Variants in CEP290 observed in about 807,000 individuals in gnomAD.
The protein encoded by CEP290 is centrosomal protein 290, also known as centrosomal protein of 290 kDa.
A neutral mutation model predicts 344.9 loss-of-function variants in CEP290; 317 were observed. The observed-to-expected ratio is 0.92, with a 90% confidence interval of 0.84 to 1.01. CEP290 has a LOEUF of 1.01. Among genes scored for constraint, CEP290 ranks in the 50% least tolerant of loss-of-function variants. CEP290 has a pLI of 0.00. For missense variants in CEP290, 2,754 were observed against 2,761.4 expected (o/e 1.00, Z 0.06); for synonymous variants, 932 against 895.8 (o/e 1.04, Z -0.72).
chr12:88,124,101 T>C (rs752064662), intron 13 of CEP290, among the ~76,000 whole-genome samples: 8 of 152,116 alleles, frequency 5.3e-5, no homozygotes, highest in Non-Finnish European at 1.0e-4. Flanking sequence ...TTACCACTCC[T>C]ACAGTCTACT....
chr12:88,130,516 C>T (rs1447940061), intron 8 of CEP290, 29 bp downstream of exon 8: 2 of 1,593,752 alleles, frequency 1.3e-6, no homozygotes, highest in Non-Finnish European at 1.7e-6. Context: ...TTTTAAATTC[C>T]CAAGATTTCA....
At position 88,068,521 on chromosome 12, in the gene CEP290, C is replaced by A; in HGVS notation, c.6135+1G>T. On this transcript the variant is annotated splice_donor_variant, in intron 44 of 53. Coordinates refer to ENST00000552810, the MANE Select transcript of CEP290 (RefSeq NM_025114.4). LOFTEE classifies it high-confidence loss of function. ...AAAAATAATAAAAGATATACACTTACTGAAGGCTTAGAATATGTATCCTTT... is the reference window on the plus strand; with the variant it reads ...AAAAATAATAAAAGATATACACTTAATGAAGGCTTAGAATATGTATCCTTT... The A allele has an allele frequency of 2.0e-6, 3 of 1,500,030 alleles. No homozygotes were observed. The highest frequency in any genetic ancestry group is 2.7e-6 in the Non-Finnish European group (3 of 1,121,690). The allele number at this position is 1,500,030 out of a possible 1,614,324, so 92.9% of individuals were successfully genotyped here.
At chr12:88,053,616 T>C (rs2033749278) in intron 52 of CEP290, 36 bp downstream of exon 52, 1 of 1,059,210 alleles carries the variant, frequency 9.4e-7, no homozygotes, top group Non-Finnish European at 1.4e-6. Context: ...ATTCAAAAAC[T>C]TGGGGGTAGC....
chr12:88,051,626 G>A (rs1196473745), intron 52 of CEP290: 1 of 152,126 alleles, frequency 6.6e-6, no homozygotes, highest in Non-Finnish European at 1.5e-5. Context: ...GTCTACTTAG[G>A]AAATAAGGAA....
At position 88,121,135 on chromosome 12, in the gene CEP290, CAT is replaced by C. The variant is rs386834148; in HGVS notation, c.1219_1220del (p.Met407GlufsTer14). The C allele has an allele frequency of 4.2e-5, 67 of 1,613,046 alleles. No individual in the cohort carries two copies. The highest frequency in any genetic ancestry group is 6.7e-5 in the African/African-American group (5 of 74,826). ...GASTLSQQTH[M>X]KIQSTLDILK... Reference sequence around the variant, plus strand: ...AAATGTCTAACGTTGACTGAATTTTCATATGAGTCTGTTGAGAAAGGGTTGAA... The same window carrying C: ...AAATGTCTAACGTTGACTGAATTTTCATGAGTCTGTTGAGAAAGGGTTGAA... On this transcript the variant is annotated frameshift_variant, in exon 14 of 54. Coordinates refer to ENST00000552810, the MANE Select transcript of CEP290 (RefSeq NM_025114.4). LOFTEE classifies it high-confidence loss of function.
rs570710122 is a variant in CEP290, at chr12:88,050,574, T to G, written c.7130-141A>C. 64 of 515,986 alleles carry G rather than the reference T, an allele frequency of 1.2e-4. No homozygotes were observed. The South Asian group carries it at 2.0e-3, about 16-fold the overall frequency. The allele number at this position is 515,986 out of a possible 1,614,324, so 32.0% of individuals were successfully genotyped here. A position where few individuals can be genotyped will look rare whatever the true frequency, so the allele number is the denominator to read the frequency against. On this transcript the variant is annotated intron_variant, in intron 52 of 53. Transcript: ENST00000552810. ...ACACTGGATGTTATGGCTGAAATAC[T>G]TCAGGATGTAAACACTTAATGCTGC...
chr12:88,065,148 G>A (rs1014613572), intron 44 of CEP290, among the ~76,000 whole-genome samples: 2 of 151,640 alleles, frequency 1.3e-5, no homozygotes, highest in African/African-American at 4.8e-5. Context: ...AAGCATCATA[G>A]GAAATAATTT....
chr12:88,105,461 G>C (rs985369457), intron 25 of CEP290, among the ~76,000 whole-genome samples: 2 of 152,136 alleles, frequency 1.3e-5, no homozygotes, highest in Non-Finnish European at 2.9e-5. Flanking sequence ...TTTGTAGTAG[G>C]AGCTAAACTT....
chr12:88,136,518 T>C (rs564243348), intron 6 of CEP290, 125 bp downstream of exon 6: 1 of 928,914 alleles, frequency 1.1e-6, no homozygotes, highest in Non-Finnish European at 1.7e-6. Context: ...TATAAAACCT[T>C]AGAGATAAGT....
chr12:88,079,733 A>C (rs1359720312), intron 38 of CEP290, among the ~76,000 whole-genome samples: 3 of 152,120 alleles, frequency 2.0e-5, no homozygotes, highest in Non-Finnish European at 2.9e-5. Flanking sequence ...ATCAGAATAC[A>C]CTGACCAACT....
chr12:88,139,606 G>A, intron 3 of CEP290, 42 bp from the exon 4 acceptor site: 1 of 1,350,432 alleles, frequency 7.4e-7, no homozygotes, highest in African/African-American at 1.5e-5. Context: ...CCTTTATACT[G>A]GAATGTAAGC....
intron 41 of CEP290, among the ~76,000 whole-genome samples, chr12:88,074,504 T>C (rs2035613813): frequency 6.6e-6 from 1 of 152,156 alleles, no homozygotes. Context: ...ATGGGTATTG[T>C]GGTGTTATTA....
chr12:88,103,014 A>G lies in CEP290; in HGVS notation c.2818-3T>C, dbSNP rs1200591122. The G allele has an allele frequency of 2.0e-6, 3 of 1,530,152 alleles. No individual in the cohort carries two copies. The highest frequency in any genetic ancestry group is 4.8e-5 in the Admixed American group (2 of 42,094). The allele number at this position is 1,530,152 out of a possible 1,614,324, so 94.8% of individuals were successfully genotyped here. A position where few individuals can be genotyped will look rare whatever the true frequency, so the allele number is the denominator to read the frequency against. On this transcript the variant is annotated splice_polypyrimidine_tract_variant and splice_region_variant and intron_variant, in intron 25 of 53. Coordinates refer to ENST00000552810, the MANE Select transcript of CEP290 (RefSeq NM_025114.4). ...GCAATCTTGAAAATGGCCATTTCCT[A>G]TGTAAATAAAGATACACTGAGTTAT...
chr12:88,076,438 A>C (rs1345655939), intron 41 of CEP290, among the ~76,000 whole-genome samples: 1 of 152,090 alleles, frequency 6.6e-6, no homozygotes, highest in African/African-American at 2.4e-5. Context: ...AAATTTTATA[A>C]TAAAAATTTT....
intron 48 of CEP290, 85 bp from the exon 49 acceptor site, chr12:88,059,105 A>T (rs958027781): frequency 2.6e-6 from 3 of 1,163,350 alleles, no homozygotes; most frequent in Non-Finnish European, 3.5e-6. Context: ...ATCATTACAA[A>T]TTGGAAAACA....
chr12:88,136,379 T>C (rs1017477024), intron 6 of CEP290: 1 of 378,618 alleles, frequency 2.6e-6, no homozygotes, highest in Non-Finnish European at 4.7e-6. Context: ...GACAAAAGCA[T>C]TAATTTTAGG....
At chr12:88,096,701 A>C (rs1399069271) in intron 27 of CEP290, among the ~76,000 whole-genome samples, 187 bp downstream of exon 27, 1 of 152,152 alleles carries the variant, frequency 6.6e-6, no homozygotes, top group East Asian at 1.9e-4. Flanking sequence ...TAAGGACTGA[A>C]AACTAAACTT....
At chr12:88,129,580 TA>T (rs2039943251) in intron 10 of CEP290, 113 bp downstream of exon 10, 1 of 627,884 alleles carries the variant, frequency 1.6e-6, no homozygotes, top group Admixed American at 3.7e-5. Context: ...ATTACACTAT[TA>T]AAAAGACAGA....
At position 88,111,227 on chromosome 12, in the gene CEP290, T is replaced by C. The variant is rs2038665799; in HGVS notation, c.2342A>G (p.Asn781Ser). 1 of 1,416,872 alleles carries C rather than the reference T, an allele frequency of 7.1e-7. No homozygotes were observed. The highest frequency in any genetic ancestry group is 2.8e-5 in the East Asian group (1 of 35,442). The allele number at this position is 1,416,872 out of a possible 1,614,324, so 87.8% of individuals were successfully genotyped here. ...CTGTAACAAATGTATTAAATATTCA[T>C]TCTGAGAATTAATGATACTGGCACT... ...PSSASIINSQ[N>S]EYLIHLLQEL... The change falls in exon 22 of 54, where the codon AAT (asparagine) becomes AGT (serine). Residue 781 changes from asparagine to serine, a missense_variant. Coordinates refer to ENST00000552810, the MANE Select transcript of CEP290 (RefSeq NM_025114.4).
Sources: gnomAD v4.1 joint callset for allele counts (sites outside exome capture counted in the v4.1 genomes callset) on GRCh38, gnomAD v4.1.1 for gene constraint, MANE v1.5 for transcripts, NCBI Gene and HGNC (gene_info 2026-07-23, HGNC 2026-07-21) for gene names.